The following INVS variants were observed in gnomAD, a reference collection of about 807,000 sequenced individuals.
INVS encodes the protein inversin.
A neutral mutation model predicts 108.8 loss-of-function variants in INVS; 86 were observed. That is an observed-to-expected ratio of 0.79 (90% CI 0.66 to 0.95). The LOEUF (loss-of-function observed/expected upper bound fraction) is 0.95. Among genes scored for constraint, INVS ranks in the 40% least tolerant of loss-of-function variants. INVS has a pLI of 0.00. For missense variants in INVS, 1,169 were observed against 1,297.4 expected, an observed-to-expected ratio of 0.90 and a Z score of 1.52; for synonymous variants, 455 against 473.5, an observed-to-expected ratio of 0.96 and a Z score of 0.51.
At chr9:100,119,432 A>G (rs760925428) in intron 2 of INVS, among the ~76,000 whole-genome samples, 3 of 152,254 alleles carry the variant, frequency 2.0e-5, no homozygotes, top group Non-Finnish European at 4.4e-5. Flanking sequence ...CAGTTTCTGT[A>G]TGTCAGGAAT....
intron 10 of INVS, among the ~76,000 whole-genome samples, chr9:100,259,098 A>C (rs1588128273): frequency 6.6e-6 from 1 of 151,996 alleles, no homozygotes; most frequent in South Asian, 2.1e-4. Flanking sequence ...CGCTTTGTTT[A>C]CCTACTCAAG....
At chr9:100,142,774 C>T (rs1328663574) in intron 3 of INVS, among the ~76,000 whole-genome samples, 1 of 152,086 alleles carries the variant, frequency 6.6e-6, no homozygotes, top group Non-Finnish European at 1.5e-5. Context: ...CAGCGGCAGC[C>T]GCTGCATGCA....
At chr9:100,193,406 A>C (rs1830283122) in intron 3 of INVS, among the ~76,000 whole-genome samples, 1 of 152,194 alleles carries the variant, frequency 6.6e-6, no homozygotes, top group Non-Finnish European at 1.5e-5. Flanking sequence ...CAGTGGCATT[A>C]AGCACATTCA....
intron 3 of INVS, among the ~76,000 whole-genome samples, chr9:100,157,853 TC>T (rs1829051318): frequency 6.6e-6 from 1 of 152,182 alleles, no homozygotes; most frequent in Non-Finnish European, 1.5e-5. Context: ...TTCCTTCATT[TC>T]CCAAATCATT....
At chr9:100,152,635 A>G (rs1011304123) in intron 3 of INVS, among the ~76,000 whole-genome samples, 2 of 152,134 alleles carry the variant, frequency 1.3e-5, no homozygotes, top group Non-Finnish European at 2.9e-5. Context: ...CAACAGATAA[A>G]TTTTTAGTAT....
chr9:100,284,542 C>T lies in INVS; in HGVS notation c.2007C>T (p.Ala669=). Residue 669 remains alanine (A), a synonymous_variant, in exon 13 of 17, where the codon GCC becomes GCT. Transcript: ENST00000262457. ...CTCCAGGAGGGTCTCTAGGCGGAGC[C>T]CTCCAGAAGGAGCAGCATGTTTCCT... ...RGSPGGSLGG[A]LQKEQHVSSD... is the part of the protein sequence containing the mutation. 1.2e-6 allele frequency: 2 copies of T among 1,613,940 alleles called. No individual in the cohort carries two copies. The highest frequency in any genetic ancestry group is 1.7e-6 in the Non-Finnish European group (2 of 1,179,886).
intron 13 of INVS, among the ~76,000 whole-genome samples, chr9:100,285,466 C>A (rs759841946): frequency 7.9e-5 from 12 of 152,174 alleles, no homozygotes; most frequent in Non-Finnish European, 1.6e-4. Context: ...TCCCCATGAT[C>A]CCCATCCCCA....
At chr9:100,173,247 G>C (rs1002967852) in intron 3 of INVS, among the ~76,000 whole-genome samples, 25 of 152,214 alleles carry the variant, frequency 1.6e-4, no homozygotes, top group African/African-American at 5.1e-4. Context: ...GAGTGACCAA[G>C]TAGGCAGAAA....
At chr9:100,143,313 G>C (rs979124392) in intron 3 of INVS, among the ~76,000 whole-genome samples, 1 of 152,174 alleles carries the variant, frequency 6.6e-6, no homozygotes, top group Non-Finnish European at 1.5e-5. Context: ...TGTAAGCCTT[G>C]TCTGGTTTTA....
At chr9:100,173,666 T>C (rs1294190432) in intron 3 of INVS, among the ~76,000 whole-genome samples, 1 of 152,090 alleles carries the variant, frequency 6.6e-6, no homozygotes, top group Non-Finnish European at 1.5e-5. Context: ...GAGGCAGAGG[T>C]TGCGGTGAGC....
At chr9:100,284,132 G>T (rs1456778783) in intron 12 of INVS, among the ~76,000 whole-genome samples, 188 bp from the exon 13 acceptor site, 2 of 152,008 alleles carry the variant, frequency 1.3e-5, no homozygotes, top group Non-Finnish European at 2.9e-5. Flanking sequence ...TCATCTTTTG[G>T]GCTATAAGGC....
chr9:100,155,794 G>T (rs1243658009), intron 3 of INVS, among the ~76,000 whole-genome samples: 1 of 152,150 alleles, frequency 6.6e-6, no homozygotes, highest in Non-Finnish European at 1.5e-5. Context: ...CAAATAAGTG[G>T]ATCACTATAT....
At chr9:100,169,385 G>C (rs1259313310) in intron 3 of INVS, among the ~76,000 whole-genome samples, 1 of 152,158 alleles carries the variant, frequency 6.6e-6, no homozygotes, top group African/African-American at 2.4e-5. Context: ...TTTGGAGTAT[G>C]AATGGAGAAG....
intron 3 of INVS, among the ~76,000 whole-genome samples, chr9:100,173,971 C>CA (rs1588060573): frequency 6.6e-6 from 1 of 152,238 alleles, no homozygotes; most frequent in East Asian, 1.9e-4. Flanking sequence ...TATCTGCCTG[C>CA]TAAAACAAAA....
At chr9:100,113,833 A>G (rs185733812) in intron 2 of INVS, among the ~76,000 whole-genome samples, 3 of 152,312 alleles carry the variant, frequency 2.0e-5, no homozygotes, top group East Asian at 1.9e-4. Flanking sequence ...TATTCCTTAT[A>G]TCTAACTGTA....
At chr9:100,279,508 T>C (rs1833214473) in intron 12 of INVS, among the ~76,000 whole-genome samples, 2 of 152,142 alleles carry the variant, frequency 1.3e-5, no homozygotes, top group Non-Finnish European at 2.9e-5. Flanking sequence ...CATTATCAAT[T>C]CTATAATATA....
rs151081512 is a variant in INVS, at chr9:100,258,715, G to A, written c.1464+5579G>A. 5.9e-3 allele frequency among the ~76,000 whole-genome samples: 903 copies of A among 152,292 alleles called. 10 individuals are homozygous for A. The highest frequency in any genetic ancestry group is 0.02 in the African/African-American group (849 of 41,568). ...CCATGTTTGCCTGGGTATCACCAGC[G>A]GAGGCTGCAGAACAGCAAATATTGC... On this transcript the variant is annotated intron_variant, in intron 10 of 16. Coordinates refer to ENST00000262457, the MANE Select transcript of INVS (RefSeq NM_014425.5).
intron 3 of INVS, among the ~76,000 whole-genome samples, chr9:100,214,462 T>G (rs1830927625): frequency 6.6e-6 from 1 of 152,206 alleles, no homozygotes; most frequent in Non-Finnish European, 1.5e-5. Flanking sequence ...GATTTGTCAT[T>G]AAACTTGGAT....
intron 8 of INVS, among the ~76,000 whole-genome samples, chr9:100,248,214 A>T (rs151151868): frequency 1.3e-5 from 2 of 152,174 alleles, no homozygotes; most frequent in Non-Finnish European, 2.9e-5. Context: ...GTTTTCCATT[A>T]TATATTCTTC....
Sources: gnomAD v4.1 joint callset for allele counts (sites outside exome capture counted in the v4.1 genomes callset) on GRCh38, gnomAD v4.1.1 for gene constraint, MANE v1.5 for transcripts, NCBI Gene and HGNC (gene_info 2026-07-23, HGNC 2026-07-21) for gene names.